Variants in GRIN3A observed in about 807,000 individuals in gnomAD.
GRIN3A encodes glutamate receptor ionotropic, NMDA 3A.
A neutral mutation model predicts 92.4 loss-of-function variants in GRIN3A; 47 were observed. The observed-to-expected ratio is 0.51, with a 90% CI of 0.40 to 0.65. The LOEUF (loss-of-function observed/expected upper bound fraction) is 0.65, where lower values mean the gene tolerates loss of function less well. Ranked by LOEUF, GRIN3A falls within the 30% of genes least tolerant of loss-of-function variation. The probability of loss-of-function intolerance (pLI) is 0.00; values close to 1 mark genes in which losing one functional copy is unlikely to be tolerated. For synonymous variants in GRIN3A, 527 were observed against 540.6 expected, an observed-to-expected ratio of 0.97 and a Z score of 0.35; for missense variants, 1,324 against 1,393.1, an observed-to-expected ratio of 0.95 and a Z score of 0.79.
Position 101,737,518 on chromosome 9 carries a change from G to C in GRIN3A, c.462C>G (p.Ile154Met). ...YNLSLEVVMA[I>M]EAGLGDLPLL... is the part of the protein sequence containing the mutation. ...GTGGCAGATCGCCCAGGCCTGCCTCGATGGCCATCACTACTTCCAAAGACA... is the reference window on the plus strand; with the variant it reads ...GTGGCAGATCGCCCAGGCCTGCCTCCATGGCCATCACTACTTCCAAAGACA... Residue 154 changes from isoleucine (I) to methionine (M), a missense_variant, in exon 1 of 9, where the codon ATC becomes ATG. Coordinates refer to ENST00000361820, the MANE Select transcript of GRIN3A (RefSeq NM_133445.3). 2 of 1,614,236 alleles carry C rather than the reference G, an allele frequency of 1.2e-6. No individual in the cohort carries two copies. The highest frequency in any genetic ancestry group is 8.5e-7 in the Non-Finnish European group (1 of 1,180,032).
At chr9:101,640,418 A>C (rs1307708936) in intron 3 of GRIN3A, among the ~76,000 whole-genome samples, 1 of 152,210 alleles carries the variant, frequency 6.6e-6, no homozygotes, top group African/African-American at 2.4e-5. Flanking sequence ...AGTAACAAAA[A>C]ACACATGGAA....
chr9:101,641,144 TAGAG>T (rs1828855736), intron 3 of GRIN3A, among the ~76,000 whole-genome samples: 5 of 152,146 alleles, frequency 3.3e-5, no homozygotes. Flanking sequence ...CAACAGGTGC[TAGAG>T]AGGATGTGGA....
At chr9:101,665,619 C>T (rs533564492) in intron 3 of GRIN3A, among the ~76,000 whole-genome samples, 11 of 151,690 alleles carry the variant, frequency 7.3e-5, no homozygotes, top group Admixed American at 2.6e-4. Flanking sequence ...GCCATTACTC[C>T]ATATAAAATG....
At chr9:101,729,207 G>T (rs994453896) in intron 1 of GRIN3A, among the ~76,000 whole-genome samples, 3 of 152,140 alleles carry the variant, frequency 2.0e-5, no homozygotes, top group Non-Finnish European at 2.9e-5. Flanking sequence ...CCTCCTCCCT[G>T]CATAAGTCTG....
chr9:101,617,193 C>G (rs1201639046), intron 5 of GRIN3A, among the ~76,000 whole-genome samples: 3 of 118,666 alleles, frequency 2.5e-5, no homozygotes, highest in South Asian at 2.5e-4. Context: ...GGCGACAGAG[C>G]GAGACTCCGT....
intron 1 of GRIN3A, among the ~76,000 whole-genome samples, chr9:101,694,914 CAG>C (rs1564146459): frequency 1.3e-5 from 2 of 152,168 alleles, no homozygotes; most frequent in Admixed American, 6.5e-5. Flanking sequence ...GTCAGAACTT[CAG>C]AGAGTCACTG....
chr9:101,738,417 C>T lies in GRIN3A; in HGVS notation c.-438G>A, dbSNP rs1453071394. On this transcript the variant is annotated 5_prime_UTR_variant, in exon 1 of 9. Transcript: ENST00000361820. ...TCGCCTGGATTCTTTTCCTTTTCTGCCCAGGCGAGACCCACTTATTTCCTG... is the reference window on the plus strand; with the variant it reads ...TCGCCTGGATTCTTTTCCTTTTCTGTCCAGGCGAGACCCACTTATTTCCTG... 3.2e-5 allele frequency: 7 copies of T among 218,176 alleles called. No homozygotes were observed. The highest frequency in any genetic ancestry group is 9.5e-5 in the African/African-American group (4 of 41,996). The allele number at this position is 218,176 out of a possible 1,614,324, so 13.5% of individuals were successfully genotyped here. A position where few individuals can be genotyped will look rare whatever the true frequency, so the allele number is the denominator to read the frequency against.
chr9:101,713,800 G>A (rs1267202722), intron 1 of GRIN3A, among the ~76,000 whole-genome samples: 1 of 152,116 alleles, frequency 6.6e-6, no homozygotes, highest in Non-Finnish European at 1.5e-5. Context: ...CCAAGACTGG[G>A]TATGGTGCCT....
intron 1 of GRIN3A, among the ~76,000 whole-genome samples, chr9:101,711,565 G>A (rs951424044): frequency 1.3e-5 from 2 of 152,172 alleles, no homozygotes; most frequent in African/African-American, 2.4e-5. Flanking sequence ...ACTGAAGGAA[G>A]AGAAAGGGTT....
intron 6 of GRIN3A, chr9:101,594,333 T>C: frequency 6.6e-7 from 1 of 1,504,016 alleles, no homozygotes; most frequent in East Asian, 2.3e-5. Flanking sequence ...GAGAGACAGT[T>C]GGACGTCTTG....
chr9:101,726,661 A>G (rs1338850924), intron 1 of GRIN3A, among the ~76,000 whole-genome samples: 1 of 151,530 alleles, frequency 6.6e-6, no homozygotes, highest in African/African-American at 2.4e-5. Context: ...TCCCATTTAA[A>G]AATTTTTATT....
Position 101,670,940 on chromosome 9 carries a change from A to C in GRIN3A, c.1472T>G (p.Met491Arg). 6.2e-7 allele frequency: 1 copy of C among 1,613,994 alleles called. No homozygotes were observed. Among genetic ancestry groups the C allele is most frequent in the Non-Finnish European group, 8.5e-7 (1 of 1,179,936 alleles). ...CTGCTCTGGCCATATTCCATAGTCC[A>C]TGACAATCTTTCCCCCCTGCCAGCT... ...LGSWQGGKIVMDYGIWPEQAQ... is the reference protein window; with the variant it reads ...LGSWQGGKIVRDYGIWPEQAQ... Residue 491 changes from methionine (M) to arginine (R), a missense_variant, in exon 3 of 9, where the codon ATG (methionine) becomes AGG (arginine). Met to Arg is a moderately conservative substitution (Grantham distance 91, BLOSUM62 -1). Coordinates refer to ENST00000361820, the MANE Select transcript of GRIN3A (RefSeq NM_133445.3).
At chr9:101,606,940 A>G (rs1024688975) in intron 6 of GRIN3A, among the ~76,000 whole-genome samples, 1 of 97,478 alleles carries the variant, frequency 1.0e-5, no homozygotes, top group Non-Finnish European at 2.1e-5. Flanking sequence ...TGCTGAGTCA[A>G]AAGAAAACAA....
intron 1 of GRIN3A, among the ~76,000 whole-genome samples, chr9:101,694,795 C>A (rs542939029): frequency 5.9e-5 from 9 of 152,236 alleles, no homozygotes; most frequent in African/African-American, 2.2e-4. Context: ...TCTGTTCAGG[C>A]AAGATGTTCC....
chr9:101,716,317 G>C (rs1281430154), intron 1 of GRIN3A, among the ~76,000 whole-genome samples: 5 of 151,984 alleles, frequency 3.3e-5, no homozygotes, highest in African/African-American at 9.7e-5. Context: ...AGAAGCCTGA[G>C]GAAACAGAAA....
intron 2 of GRIN3A, among the ~76,000 whole-genome samples, chr9:101,683,884 G>C (rs919266472): frequency 3.3e-5 from 5 of 151,032 alleles, no homozygotes; most frequent in Non-Finnish European, 5.9e-5. Flanking sequence ...GAGAGAGCGA[G>C]AGAGAAAGAA....
intron 5 of GRIN3A, among the ~76,000 whole-genome samples, chr9:101,616,416 A>G (rs1828454608): frequency 6.6e-6 from 1 of 152,176 alleles, no homozygotes; most frequent in African/African-American, 2.4e-5. Flanking sequence ...TTTCAAACCA[A>G]AACTTCTAGG....
At chr9:101,595,979 T>C (rs1828123136) in intron 6 of GRIN3A, among the ~76,000 whole-genome samples, 1 of 152,226 alleles carries the variant, frequency 6.6e-6, no homozygotes, top group Non-Finnish European at 1.5e-5. Context: ...ACATGCTCCC[T>C]CTTATTCCTT....
chr9:101,573,451 C>G lies in GRIN3A; in HGVS notation c.3071G>C (p.Arg1024Pro). The change falls in exon 9 of 9, where the codon CGA becomes CCA. Residue 1024 changes from arginine to proline, a missense_variant. By Grantham distance (103) the Arg-to-Pro change is moderately radical. Transcript: ENST00000361820. ...WNTSNLSHDN[R>P]RKYIFSDEEG... ...CTCATCACTAAAGATGTATTTCCGTCGGTTGTCATGACTCAGATTGGAAGT... is the reference window on the plus strand; with the variant it reads ...CTCATCACTAAAGATGTATTTCCGTGGGTTGTCATGACTCAGATTGGAAGT... 6.2e-7 allele frequency: 1 copy of G among 1,613,998 alleles called. No homozygotes were observed. The highest frequency in any genetic ancestry group is 8.5e-7 in the Non-Finnish European group (1 of 1,179,968).
Sources: gnomAD v4.1 joint callset for allele counts (sites outside exome capture counted in the v4.1 genomes callset) on GRCh38, gnomAD v4.1.1 for gene constraint, MANE v1.5 for transcripts, NCBI Gene and HGNC (gene_info 2026-07-23, HGNC 2026-07-21) for gene names.